Variants in DOCK10 observed in about 807,000 individuals in gnomAD.
The protein encoded by DOCK10 is dedicator of cytokinesis protein 10.
In DOCK10, 145 loss-of-function variants were observed where a neutral mutation model predicts 280.1. The observed-to-expected ratio is 0.52, with a 90% CI of 0.45 to 0.59. The LOEUF (loss-of-function observed/expected upper bound fraction) is 0.59, where lower values mean the gene tolerates loss of function less well. Ranked by LOEUF, DOCK10 falls within the 20% of genes least tolerant of loss-of-function variation. The pLI, the probability that DOCK10 is intolerant of heterozygous loss-of-function variation, is 0.00. For synonymous variants in DOCK10, 915 were observed against 942.2 expected, an observed-to-expected ratio of 0.97 and a Z score of 0.53; for missense variants, 2,368 against 2,651.7, an observed-to-expected ratio of 0.89 and a Z score of 2.35.
chr2:224,959,274 A>AC (rs1183081507), intron 1 of DOCK10, among the ~76,000 whole-genome samples: 1 of 92,958 alleles, frequency 1.1e-5, no homozygotes, highest in Non-Finnish European at 2.5e-5. Context: ...AGGTTGAGTG[A>AC]CCTCAGGCAA....
chr2:224,784,892 A>G, intron 50 of DOCK10: 1 of 669,850 alleles, frequency 1.5e-6, no homozygotes, highest in South Asian at 1.5e-5. Context: ...TGTTTTCATG[A>G]TCAGGTTATT....
intron 31 of DOCK10, among the ~76,000 whole-genome samples, chr2:224,809,989 CAAA>C (rs376029378): frequency 2.3e-4 from 27 of 115,346 alleles, no homozygotes; most frequent in African/African-American, 6.8e-4. Flanking sequence ...TATTCAGCCT[CAAA>C]AAAAAAAAAA....
At chr2:224,905,189 T>C (rs1432042288) in intron 3 of DOCK10, among the ~76,000 whole-genome samples, 5 of 152,146 alleles carry the variant, frequency 3.3e-5, no homozygotes, top group Admixed American at 6.5e-5. Context: ...CATTAAGCAG[T>C]ATTTTGGTAC....
Position 224,770,364 on chromosome 2 carries a change from T to C in DOCK10, c.6306-15A>G, listed in dbSNP as rs753781556. 18 of 1,580,662 alleles carry C rather than the reference T, an allele frequency of 1.1e-5. No individual in the cohort carries two copies. The highest frequency in any genetic ancestry group is 1.5e-5 in the Non-Finnish European group (17 of 1,163,190). On this transcript the variant is annotated splice_polypyrimidine_tract_variant and intron_variant, in intron 54 of 55. Transcript: ENST00000258390. The surrounding 1 kb of genome is among the most constrained non-coding windows in gnomAD (Gnocchi z 4.5). The stretch of plus-strand genomic sequence containing the variant: ...CTGCAAATTGCCTTTAGCGACAGCA[T>C]TAAACAAATTAAAAACCAGCCCTCG...
chr2:224,960,808 C>G (rs1350366542), intron 1 of DOCK10, among the ~76,000 whole-genome samples: 1 of 129,138 alleles, frequency 7.7e-6, no homozygotes, highest in East Asian at 2.5e-4. Flanking sequence ...GGCGCTATCT[C>G]GACTCACTGC....
At chr2:224,931,771 T>A in intron 1 of DOCK10, 103 bp from the exon 2 acceptor site, 1 of 1,262,696 alleles carries the variant, frequency 7.9e-7, no homozygotes, top group Non-Finnish European at 1.1e-6. Context: ...GCTTTAACAC[T>A]GCACAATCCT....
At chr2:224,851,129 G>A (rs1696700600) in intron 18 of DOCK10, among the ~76,000 whole-genome samples, 1 of 152,192 alleles carries the variant, frequency 6.6e-6, no homozygotes, top group South Asian at 2.1e-4. Flanking sequence ...GGCCAGGGCT[G>A]TGATATGGCA....
At chr2:224,988,917 T>G (rs1706050940) in intron 1 of DOCK10, among the ~76,000 whole-genome samples, 1 of 152,208 alleles carries the variant, frequency 6.6e-6, no homozygotes, top group African/African-American at 2.4e-5. Flanking sequence ...GGGCTCCCTT[T>G]ATCATTACTT....
chr2:224,909,105 T>C (rs1374994390), intron 3 of DOCK10, among the ~76,000 whole-genome samples: 3 of 152,214 alleles, frequency 2.0e-5, no homozygotes. Flanking sequence ...AAGAGCTTGG[T>C]TTTAATTAGT....
At chr2:224,820,553 C>T (rs1464011314) in intron 28 of DOCK10, among the ~76,000 whole-genome samples, 1 of 152,142 alleles carries the variant, frequency 6.6e-6, no homozygotes, top group African/African-American at 2.4e-5. Context: ...TCTTTCTTGT[C>T]GAAAGTGTCC....
At chr2:224,858,581 G>T (rs1372842758) in intron 14 of DOCK10, among the ~76,000 whole-genome samples, 2 of 152,328 alleles carry the variant, frequency 1.3e-5, no homozygotes, top group East Asian at 3.9e-4. Context: ...TTGAACCTGG[G>T]GGGCGAAGGT....
chr2:224,821,280 T>G (rs976109203), intron 28 of DOCK10, among the ~76,000 whole-genome samples: 39 of 152,240 alleles, frequency 2.6e-4, no homozygotes, highest in African/African-American at 8.9e-4. Context: ...ATATTTTAAT[T>G]GTTAAATTCC....
chr2:225,038,767 C>T (rs1244031877), intron 1 of DOCK10, among the ~76,000 whole-genome samples: 2 of 152,244 alleles, frequency 1.3e-5, no homozygotes, highest in Admixed American at 6.5e-5. Flanking sequence ...AATAGATGAA[C>T]GGCTTTGGGC....
intron 17 of DOCK10, among the ~76,000 whole-genome samples, chr2:224,852,694 AT>A (rs1696826095): frequency 6.6e-6 from 1 of 152,226 alleles, no homozygotes; most frequent in Admixed American, 6.5e-5. Flanking sequence ...ACTAAAAAAA[AT>A]AGTCGAACAA....
chr2:224,879,132 T>A (rs1302241892), intron 7 of DOCK10, among the ~76,000 whole-genome samples: 1 of 152,198 alleles, frequency 6.6e-6, no homozygotes, highest in East Asian at 1.9e-4. Context: ...TTTGAAAAAA[T>A]CATTTTGACT....
At chr2:225,007,969 T>C (rs1280998466) in intron 1 of DOCK10, among the ~76,000 whole-genome samples, 2 of 152,016 alleles carry the variant, frequency 1.3e-5, no homozygotes. Flanking sequence ...TTTTTTTCAA[T>C]GGAGTGGGGG....
At chr2:224,905,365 A>G (rs1220537610) in intron 3 of DOCK10, among the ~76,000 whole-genome samples, 1 of 149,312 alleles carries the variant, frequency 6.7e-6, no homozygotes, top group African/African-American at 2.5e-5. Context: ...CTCCTGCCTC[A>G]GCCTCCTGAG....
intron 23 of DOCK10, 30 bp from the exon 24 acceptor site, chr2:224,840,102 C>T (rs984376561): frequency 1.8e-6 from 2 of 1,098,370 alleles, no homozygotes; most frequent in African/African-American, 3.1e-5. Context: ...AAAAAGGATA[C>T]CAATTAAATT....
At chr2:224,973,557 C>T (rs942082640) in intron 1 of DOCK10, among the ~76,000 whole-genome samples, 2 of 152,044 alleles carry the variant, frequency 1.3e-5, no homozygotes, top group Non-Finnish European at 2.9e-5. Flanking sequence ...CAGATTCTCC[C>T]CTAGCACCCC....
Sources: allele counts gnomAD v4.1 joint callset (sites outside exome capture counted in the v4.1 genomes callset), GRCh38; gene constraint gnomAD v4.1.1; non-coding constraint Gnocchi (gnomAD v3.1); transcripts MANE v1.5; gene names NCBI Gene and HGNC (gene_info 2026-07-23, HGNC 2026-07-21).